EXOC6B: variants seen among roughly 807,000 people sequenced by gnomAD.
EXOC6B encodes the protein exocyst complex component 6B.
In EXOC6B, 54 loss-of-function variants were observed where a neutral mutation model predicts 113.5. The observed-to-expected ratio is 0.48, with a 90% CI of 0.38 to 0.60. The LOEUF is 0.60. Among genes scored for constraint, EXOC6B ranks in the 20% least tolerant of loss-of-function variants. The probability of loss-of-function intolerance (pLI) is 0.00; values close to 1 mark genes in which losing one functional copy is unlikely to be tolerated. For synonymous variants in EXOC6B, 357 were observed against 339.0 expected, an observed-to-expected ratio of 1.05 and a Z score of -0.58; for missense variants, 797 against 977.5, an observed-to-expected ratio of 0.82 and a Z score of 2.46.
chr2:72,475,871 G>A (rs1472969792), intron 17 of EXOC6B, among the ~76,000 whole-genome samples: 1 of 152,162 alleles, frequency 6.6e-6, no homozygotes, highest in Non-Finnish European at 1.5e-5. Flanking sequence ...CAGCCTCAAT[G>A]GCAGCAGCAT....
At chr2:72,696,687 T>A (rs763610090) in intron 6 of EXOC6B, among the ~76,000 whole-genome samples, 1 of 152,146 alleles carries the variant, frequency 6.6e-6, no homozygotes, top group Non-Finnish European at 1.5e-5. Flanking sequence ...TAAGACACCA[T>A]GTGGAGAACT....
intron 7 of EXOC6B, among the ~76,000 whole-genome samples, chr2:72,571,176 T>C (rs1187576619): frequency 6.6e-6 from 1 of 152,194 alleles, no homozygotes; most frequent in Non-Finnish European, 1.5e-5. Flanking sequence ...TATCTAGATA[T>C]TTAGAGAAGA....
intron 6 of EXOC6B, among the ~76,000 whole-genome samples, chr2:72,681,084 TA>T (rs1455583171): frequency 1.3e-5 from 2 of 152,330 alleles, no homozygotes; most frequent in South Asian, 4.1e-4. Flanking sequence ...ATGTTAGCTT[TA>T]AGGATAAAAT....
intron 20 of EXOC6B, among the ~76,000 whole-genome samples, chr2:72,221,451 C>CTACA (rs1293853484): frequency 1.3e-5 from 2 of 152,204 alleles, no homozygotes; most frequent in Non-Finnish European, 2.9e-5. Context: ...CCTACTCTGA[C>CTACA]TACAGTATTT....
At chr2:72,646,733 T>A (rs867262299) in intron 6 of EXOC6B, among the ~76,000 whole-genome samples, 14 of 152,270 alleles carry the variant, frequency 9.2e-5, no homozygotes, top group Non-Finnish European at 1.6e-4. Flanking sequence ...AGAAAAGGCC[T>A]TCGACAAAAT....
intron 20 of EXOC6B, among the ~76,000 whole-genome samples, chr2:72,258,281 G>C (rs1014614774): frequency 6.6e-6 from 1 of 151,612 alleles, no homozygotes; most frequent in Non-Finnish European, 1.5e-5. Context: ...GTTTTATCTT[G>C]ATGTTCTCAG....
At chr2:72,332,435 A>C (rs1423114387) in intron 20 of EXOC6B, among the ~76,000 whole-genome samples, 1 of 152,112 alleles carries the variant, frequency 6.6e-6, no homozygotes, top group Non-Finnish European at 1.5e-5. Flanking sequence ...TGTGAAAAAG[A>C]CTCAAATACT....
chr2:72,541,332 A>C (rs1021885165), intron 8 of EXOC6B, among the ~76,000 whole-genome samples: 1 of 152,184 alleles, frequency 6.6e-6, no homozygotes, highest in Non-Finnish European at 1.5e-5. Context: ...CAGCAATGTG[A>C]AAAAGGACTA....
At chr2:72,738,982 T>G (rs1451604899) in intron 2 of EXOC6B, among the ~76,000 whole-genome samples, 2 of 152,234 alleles carry the variant, frequency 1.3e-5, no homozygotes, top group African/African-American at 4.8e-5. Flanking sequence ...GCTTATTTAT[T>G]TACATGTAAA....
chr2:72,303,255 G>A (rs986321129), intron 20 of EXOC6B, among the ~76,000 whole-genome samples: 1 of 151,962 alleles, frequency 6.6e-6, no homozygotes, highest in Non-Finnish European at 1.5e-5. Flanking sequence ...GGGGCTCTCT[G>A]TGTTTCCTAA....
chr2:72,663,843 AT>A (rs1675191368), intron 6 of EXOC6B, among the ~76,000 whole-genome samples: 1 of 152,188 alleles, frequency 6.6e-6, no homozygotes, highest in Admixed American at 6.5e-5. Flanking sequence ...AATGTAAGCT[AT>A]AGCTTTAGTT....
intron 2 of EXOC6B, among the ~76,000 whole-genome samples, chr2:72,739,962 T>C (rs1009315127): frequency 9.9e-5 from 15 of 152,154 alleles, no homozygotes; most frequent in Admixed American, 9.2e-4. Flanking sequence ...AAGGTAAATA[T>C]TGTATATTAC....
intron 11 of EXOC6B, among the ~76,000 whole-genome samples, chr2:72,504,232 C>A (rs551092208): frequency 4.3e-4 from 66 of 152,098 alleles, no homozygotes; most frequent in Middle Eastern, 3.4e-3. Context: ...AATTTTAAGA[C>A]GTCATTGTAT....
chr2:72,655,411 G>A (rs1021177669), intron 6 of EXOC6B, among the ~76,000 whole-genome samples: 4 of 151,748 alleles, frequency 2.6e-5, no homozygotes, highest in Non-Finnish European at 5.9e-5. Flanking sequence ...AATGCAAGAA[G>A]ACAATGGAGG....
At chr2:72,346,523 G>A (rs1307071916) in intron 19 of EXOC6B, among the ~76,000 whole-genome samples, 1 of 152,056 alleles carries the variant, frequency 6.6e-6, no homozygotes, top group African/African-American at 2.4e-5. Flanking sequence ...TTAGTGGGTT[G>A]AATCTCAAAA....
intron 18 of EXOC6B, among the ~76,000 whole-genome samples, chr2:72,389,090 A>T (rs183293470): frequency 2.0e-5 from 3 of 152,038 alleles, no homozygotes; most frequent in Non-Finnish European, 4.4e-5. Context: ...TAAATCTATT[A>T]TGTTGATCTT....
intron 20 of EXOC6B, among the ~76,000 whole-genome samples, chr2:72,261,306 A>C (rs1186660044): frequency 6.6e-6 from 1 of 152,250 alleles, no homozygotes; most frequent in Non-Finnish European, 1.5e-5. Flanking sequence ...AGAGACTGAG[A>C]AGTCCAGCCA....
intron 20 of EXOC6B, among the ~76,000 whole-genome samples, chr2:72,266,879 T>C (rs1456754060): frequency 1.3e-5 from 2 of 152,252 alleles, no homozygotes; most frequent in African/African-American, 2.4e-5. Flanking sequence ...TCATTCTTCC[T>C]ACCCATGAGC....
chr2:72,587,324 A>G (rs952727224), intron 6 of EXOC6B, among the ~76,000 whole-genome samples: 4 of 152,334 alleles, frequency 2.6e-5, no homozygotes, highest in Admixed American at 6.5e-5. Context: ...ACGGAAAATC[A>G]TATACTGCAT....
Sources: gnomAD v4.1 joint callset for allele counts (sites outside exome capture counted in the v4.1 genomes callset) on GRCh38, gnomAD v4.1.1 for gene constraint, MANE v1.5 for transcripts, NCBI Gene and HGNC (gene_info 2026-07-23, HGNC 2026-07-21) for gene names.